The following C7 variants were observed in gnomAD, a reference collection of about 807,000 sequenced individuals.
The protein encoded by C7 is complement C7.
A neutral mutation model predicts 104.8 loss-of-function variants in C7; 83 were observed. That is an observed-to-expected ratio of 0.79 (90% confidence interval 0.66 to 0.95). The LOEUF is 0.95. Among genes scored for constraint, C7 ranks in the 40% least tolerant of loss-of-function variants. C7 has a pLI of 0.00. For missense variants in C7, 1,070 were observed against 1,011.2 expected, an observed-to-expected ratio of 1.06 and a Z score of -0.79; for synonymous variants, 415 against 360.6, an observed-to-expected ratio of 1.15 and a Z score of -1.71.
At chr5:40,917,272 C>G (rs1216994496) in intron 1 of C7, among the ~76,000 whole-genome samples, 1 of 152,162 alleles carries the variant, frequency 6.6e-6, no homozygotes, top group Non-Finnish European at 1.5e-5. Context: ...CAACAATCCC[C>G]ACCCTGCCCC....
At chr5:40,948,805 G>T (rs2075542741) in intron 8 of C7, among the ~76,000 whole-genome samples, 1 of 152,024 alleles carries the variant, frequency 6.6e-6, no homozygotes, top group Non-Finnish European at 1.5e-5. Context: ...TTTCTCTTCA[G>T]AAAAGATTCT....
rs113198253 is a variant in C7 at position 40,977,976 on chromosome 5, A to G, written c.2165+1136A>G. 9.1e-3 allele frequency among the ~76,000 whole-genome samples: 1,380 copies of G among 152,112 alleles called. 46 individuals carry two copies. In the East Asian group the frequency reaches 0.13, roughly 14 times the overall value. On this transcript the variant is annotated intron_variant, in intron 16 of 17. Coordinates refer to ENST00000313164, the MANE Select transcript of C7 (RefSeq NM_000587.4). Reference sequence around the variant, plus strand: ...TGGTGAAACCCCTTCTCTACAAAAAATACAAAAATTAGCTGGGTGTGGTGA... The same window carrying G: ...TGGTGAAACCCCTTCTCTACAAAAAGTACAAAAATTAGCTGGGTGTGGTGA...
rs1740987259 is a variant in C7 at position 40,983,221 on chromosome 5, G to A, written c.*1648G>A. ...ACATTTGAACATGCTAGGCCTGGATGCAGACCCTGAGACAAAAGGTTGAAC... is the reference window on the plus strand; with the variant it reads ...ACATTTGAACATGCTAGGCCTGGATACAGACCCTGAGACAAAAGGTTGAAC... On this transcript the variant is annotated 3_prime_UTR_variant, in exon 18 of 18. Transcript: ENST00000313164. 6.6e-6 allele frequency among the ~76,000 whole-genome samples: 1 copy of A among 152,218 alleles called. No homozygotes were observed. The highest frequency in any genetic ancestry group is 2.4e-5 in the African/African-American group (1 of 41,462).
rs1418830085 is a variant in C7, at chr5:40,983,009, G to A, written c.*1436G>A. On this transcript the variant is annotated 3_prime_UTR_variant, in exon 18 of 18. Coordinates refer to ENST00000313164, the MANE Select transcript of C7 (RefSeq NM_000587.4). Reference sequence around the variant, plus strand: ...ATGAATGGTTAATGTGTTCTTGCCTGAAGTTTTATGTCTGATCCAGATCTA... The same window carrying A: ...ATGAATGGTTAATGTGTTCTTGCCTAAAGTTTTATGTCTGATCCAGATCTA... 1 of 152,364 alleles carries A rather than the reference G, an allele frequency of 6.6e-6. No homozygotes were observed. Among genetic ancestry groups the A allele is most frequent in the Non-Finnish European group, 1.5e-5 (1 of 68,036 alleles). The allele number at this position is 152,364 out of a possible 1,614,324, so 9.4% of individuals were successfully genotyped here. A position where few individuals can be genotyped will look rare whatever the true frequency, so the allele number is the denominator to read the frequency against.
In C7 at chr5:40,945,326, A is replaced by C. The variant is rs761256956; in HGVS notation, c.696A>C (p.Ser232=). 2 of 1,608,712 alleles carry C rather than the reference A, an allele frequency of 1.2e-6. No individual in the cohort carries two copies. The highest frequency in any genetic ancestry group is 4.5e-5 in the East Asian group (2 of 44,642). Residue 232 remains serine (S), a synonymous_variant, in exon 7 of 18, where the codon TCA becomes TCC. Coordinates refer to ENST00000313164, the MANE Select transcript of C7 (RefSeq NM_000587.4). ...TTTTTAGATCTTCATCATCTTCTTC[A>C]CGCAGTTATACTTCACATACCAATG... ...RSFFRSSSSS[S]RSYTSHTNEI...
intron 1 of C7, among the ~76,000 whole-genome samples, chr5:40,927,987 A>G (rs1161855514): frequency 2.0e-5 from 3 of 152,194 alleles, no homozygotes; most frequent in Admixed American, 2.0e-4. Context: ...TATTCACAAT[A>G]GCCAAGTTAT....
At chr5:40,927,643 A>G (rs1739583563) in intron 1 of C7, among the ~76,000 whole-genome samples, 1 of 152,116 alleles carries the variant, frequency 6.6e-6, no homozygotes, top group Non-Finnish European at 1.5e-5. Flanking sequence ...CTGAGTAAAC[A>G]TTTCTGAAGA....
Position 40,945,317 on chromosome 5 carries a change from ATCT to A in C7, c.693_695del (p.Ser232del), listed in dbSNP as rs777361512. 1.1e-5 allele frequency: 17 copies of A among 1,609,878 alleles called. No homozygotes were observed. Among genetic ancestry groups the A allele is most frequent in the Middle Eastern group, 1.6e-4 (1 of 6,076 alleles). ...AGCGCTCCTTTTTTAGATCTTCATCATCTTCTTCACGCAGTTATACTTCACATA... is the reference window on the plus strand; with the variant it reads ...AGCGCTCCTTTTTTAGATCTTCATCATCTTCACGCAGTTATACTTCACATA... On this transcript the variant is annotated inframe_deletion, in exon 7 of 18. Transcript: ENST00000313164.
At chr5:40,918,862 C>T (rs1014239386) in intron 1 of C7, among the ~76,000 whole-genome samples, 9 of 151,592 alleles carry the variant, frequency 5.9e-5, no homozygotes, top group South Asian at 4.2e-4. Context: ...TATTTCAATA[C>T]GCCACTTTCA....
At chr5:40,943,280 G>A (rs564859233) in intron 6 of C7, among the ~76,000 whole-genome samples, 1 of 152,126 alleles carries the variant, frequency 6.6e-6, no homozygotes, top group Non-Finnish European at 1.5e-5. Flanking sequence ...TAATAGATGT[G>A]GCAATAATAA....
Position 40,955,432 on chromosome 5 carries a change from G to C in C7, c.1139G>C (p.Gly380Ala). Residue 380 changes from glycine (G) to alanine (A), a missense_variant, in exon 10 of 18, where the codon GGA becomes GCA. Gly to Ala is a moderately conservative substitution (Grantham distance 60). Transcript: ENST00000313164. The stretch of plus-strand genomic sequence containing the variant: ...CGAGGAGAACCGTTCATCAGAGGGG[G>C]AGGTGCAGGCTTCATATCTGGCCTT... Reference protein sequence around the residue: ...VLRGEPFIRGGGAGFISGLSY... With the variant: ...VLRGEPFIRGAGAGFISGLSY... 1 of 1,612,572 alleles carries C rather than the reference G, an allele frequency of 6.2e-7. No homozygotes were observed. The highest frequency in any genetic ancestry group is 8.5e-7 in the Non-Finnish European group (1 of 1,179,302).
rs926221212 is a variant in C7 at position 40,981,994 on chromosome 5, A to G, written c.*421A>G. 6.5e-6 allele frequency: 1 copy of G among 154,756 alleles called. No homozygotes were observed. The highest frequency in any genetic ancestry group is 1.4e-5 in the Non-Finnish European group (1 of 69,728). The allele number at this position is 154,756 out of a possible 1,614,324, so 9.6% of individuals were successfully genotyped here. ...TGACTAGGATAACAGAAAGAACGTG[A>G]TCTCCTGATTAGAGAGGGTGGTTTT... On this transcript the variant is annotated 3_prime_UTR_variant, in exon 18 of 18. Transcript: ENST00000313164.
In C7 at chr5:40,937,690, G is replaced by C; in HGVS notation, c.567G>C (p.Gln189His). 1.1e-5 allele frequency: 17 copies of C among 1,570,018 alleles called. No homozygotes were observed. The highest frequency in any genetic ancestry group is 1.5e-5 in the Non-Finnish European group (17 of 1,156,628). The change falls in exon 6 of 18, where the codon CAG (glutamine) becomes CAC (histidine). Residue 189 changes from glutamine to histidine, a missense_variant and splice_region_variant. Gln to His is a conservative substitution (Grantham distance 24). Coordinates refer to ENST00000313164, the MANE Select transcript of C7 (RefSeq NM_000587.4). ...LSGNVLSYTF[Q>H]VKINNDFNYE... ...GAAATGTCCTGTCCTATACATTCCA[G>C]GTACTTACGACGTTATTGATTTCCA... is the stretch of plus-strand genomic sequence containing the variant.
At chr5:40,946,588 T>C (rs1482373765) in intron 7 of C7, among the ~76,000 whole-genome samples, 1 of 152,198 alleles carries the variant, frequency 6.6e-6, no homozygotes, top group East Asian at 1.9e-4. Flanking sequence ...GACTTCATTA[T>C]AAAGTAGCTT....
chr5:40,967,252 G>A (rs1174158247), intron 14 of C7, among the ~76,000 whole-genome samples: 1 of 152,034 alleles, frequency 6.6e-6, no homozygotes, highest in Non-Finnish European at 1.5e-5. Context: ...TTTTAGTAGA[G>A]ATGGGTTTTC....
chr5:40,938,772 C>G (rs764459581), intron 6 of C7, among the ~76,000 whole-genome samples: 1 of 152,126 alleles, frequency 6.6e-6, no homozygotes, highest in Non-Finnish European at 1.5e-5. Flanking sequence ...TAAACTCACC[C>G]GTGAGTAGGT....
At chr5:40,922,479 A>G (rs1364210559) in intron 1 of C7, among the ~76,000 whole-genome samples, 2 of 150,504 alleles carry the variant, frequency 1.3e-5, no homozygotes, top group Admixed American at 6.7e-5. Flanking sequence ...AGGTGGGCGG[A>G]TCATGAAGTT....
intron 6 of C7, among the ~76,000 whole-genome samples, chr5:40,941,862 G>A (rs903986372): frequency 2.6e-5 from 4 of 152,180 alleles, no homozygotes; most frequent in East Asian, 1.9e-4. Context: ...ATAGACATTT[G>A]GTGATTATTG....
chr5:40,973,580 A>G (rs2111712690), intron 15 of C7, among the ~76,000 whole-genome samples: 1 of 152,334 alleles, frequency 6.6e-6, no homozygotes, highest in South Asian at 2.1e-4. Flanking sequence ...TAGGCAAGAC[A>G]CACGTCCTTG....
Sources: gnomAD v4.1 joint callset for allele counts (sites outside exome capture counted in the v4.1 genomes callset) on GRCh38, gnomAD v4.1.1 for gene constraint, MANE v1.5 for transcripts, NCBI Gene and HGNC (gene_info 2026-07-23, HGNC 2026-07-21) for gene names.